Variants in GPC5 observed in about 807,000 individuals in gnomAD.
GPC5 encodes glypican 5.
A neutral mutation model predicts 53.9 loss-of-function variants in GPC5; 47 were observed. The observed-to-expected ratio is 0.87, with a 90% CI of 0.69 to 1.11. GPC5 has a LOEUF of 1.11. GPC5 is among the 50% of genes most tolerant of loss of function. GPC5 has a pLI of 0.00. For synonymous variants in GPC5, 286 were observed against 263.3 expected (o/e 1.09, Z -0.84); for missense variants, 748 against 713.1 (o/e 1.05, Z -0.56).
At chr13:92,561,806 T>C (rs1303334868) in intron 7 of GPC5, among the ~76,000 whole-genome samples, 1 of 152,074 alleles carries the variant, frequency 6.6e-6, no homozygotes, top group Admixed American at 6.6e-5. Context: ...GCTACTTTTA[T>C]ATAGTTCAGT....
chr13:92,525,154 G>A (rs905662636), intron 7 of GPC5, among the ~76,000 whole-genome samples: 2 of 151,898 alleles, frequency 1.3e-5, no homozygotes, highest in Non-Finnish European at 2.9e-5. Flanking sequence ...CCCTCCCATT[G>A]ATTTTCTTCA....
chr13:92,727,770 AT>A (rs1888685252), intron 7 of GPC5, among the ~76,000 whole-genome samples: 1 of 151,256 alleles, frequency 6.6e-6, no homozygotes, highest in Non-Finnish European at 1.5e-5. Flanking sequence ...TCTAGACTTC[AT>A]TGGAGATGGC....
intron 2 of GPC5, among the ~76,000 whole-genome samples, chr13:91,657,874 T>A (rs886852965): frequency 9.2e-5 from 14 of 152,230 alleles, no homozygotes; most frequent in African/African-American, 2.2e-4. Flanking sequence ...TTTAAAAATT[T>A]AAAAAAATAC....
intron 7 of GPC5, among the ~76,000 whole-genome samples, chr13:92,201,729 A>G (rs1276115666): frequency 6.6e-6 from 1 of 152,228 alleles, no homozygotes; most frequent in Non-Finnish European, 1.5e-5. Context: ...GAGACAAAAG[A>G]AATTAAAGAA....
chr13:91,945,042 G>T (rs1274708171), intron 6 of GPC5, among the ~76,000 whole-genome samples: 1 of 152,150 alleles, frequency 6.6e-6, no homozygotes, highest in African/African-American at 2.4e-5. Context: ...TCTTGGAGTT[G>T]AACATTCTAA....
chr13:92,568,822 A>G (rs2139038323), intron 7 of GPC5, among the ~76,000 whole-genome samples: 1 of 152,252 alleles, frequency 6.6e-6, no homozygotes, highest in South Asian at 2.1e-4. Context: ...CTTGCCCAAC[A>G]TCCAGCAGCA....
At chr13:92,677,779 C>G (rs1186367660) in intron 7 of GPC5, among the ~76,000 whole-genome samples, 7 of 93,578 alleles carry the variant, frequency 7.5e-5, no homozygotes, top group Non-Finnish European at 2.0e-4. Context: ...CGCCACCCCA[C>G]CCATGTGCTT....
chr13:92,450,329 A>G (rs922293276), intron 7 of GPC5, among the ~76,000 whole-genome samples: 11 of 152,190 alleles, frequency 7.2e-5, no homozygotes, highest in African/African-American at 2.4e-4. Flanking sequence ...ACATAATGAG[A>G]TATCTTAGGG....
intron 7 of GPC5, among the ~76,000 whole-genome samples, chr13:92,847,232 G>A (rs1355979616): frequency 6.6e-6 from 1 of 152,038 alleles, no homozygotes; most frequent in Non-Finnish European, 1.5e-5. Context: ...CTTCTGCTTT[G>A]CAAAGAGGTT....
At chr13:91,680,318 A>T (rs1455340707) in intron 2 of GPC5, among the ~76,000 whole-genome samples, 1 of 152,114 alleles carries the variant, frequency 6.6e-6, no homozygotes, top group Non-Finnish European at 1.5e-5. Context: ...GCATGGTGGC[A>T]TATGCCTGTA....
At chr13:91,421,888 T>C (rs1878660539) in intron 1 of GPC5, among the ~76,000 whole-genome samples, 1 of 152,232 alleles carries the variant, frequency 6.6e-6, no homozygotes, top group South Asian at 2.1e-4. Flanking sequence ...CTAACAAGGC[T>C]GGCATGCTAT....
chr13:91,558,470 C>G (rs2031080702), intron 2 of GPC5, among the ~76,000 whole-genome samples: 1 of 151,990 alleles, frequency 6.6e-6, no homozygotes, highest in Non-Finnish European at 1.5e-5. Flanking sequence ...TTGTCACTTA[C>G]CAGCAGGCAT....
chr13:91,852,178 T>A (rs1048804815), intron 5 of GPC5, among the ~76,000 whole-genome samples: 14 of 152,074 alleles, frequency 9.2e-5, no homozygotes, highest in Admixed American at 3.3e-4. Context: ...TTAGTTGTTT[T>A]AATTTTTTTC....
chr13:91,429,008 C>T (rs190459718), intron 1 of GPC5, among the ~76,000 whole-genome samples: 151 of 152,252 alleles, frequency 9.9e-4, no homozygotes, highest in African/African-American at 3.4e-3. Flanking sequence ...CAACCTCTGC[C>T]TCCTGGGTTC....
intron 7 of GPC5, among the ~76,000 whole-genome samples, chr13:92,346,146 C>T (rs1466433977): frequency 1.3e-5 from 2 of 152,124 alleles, no homozygotes; most frequent in Non-Finnish European, 1.5e-5. Flanking sequence ...AATGGCCACT[C>T]AGCCAAAAGC....
chr13:92,065,044 A>T (rs1326387459), intron 6 of GPC5, among the ~76,000 whole-genome samples: 1 of 152,188 alleles, frequency 6.6e-6, no homozygotes, highest in Non-Finnish European at 1.5e-5. Flanking sequence ...TAATGCAGAA[A>T]GAAGCTCTCA....
At chr13:92,221,335 A>C (rs2042446989) in intron 7 of GPC5, among the ~76,000 whole-genome samples, 1 of 152,198 alleles carries the variant, frequency 6.6e-6, no homozygotes, top group South Asian at 2.1e-4. Flanking sequence ...GTCTTATCAT[A>C]TACAGTGTAT....
At chr13:92,083,632 CTT>C (rs1238263899) in intron 6 of GPC5, among the ~76,000 whole-genome samples, 2 of 152,252 alleles carry the variant, frequency 1.3e-5, no homozygotes, top group African/African-American at 4.8e-5. Context: ...CAAATAGACT[CTT>C]GAGGTATTTT....
At chr13:91,632,402 G>A (rs1208260774) in intron 2 of GPC5, among the ~76,000 whole-genome samples, 1 of 152,108 alleles carries the variant, frequency 6.6e-6, no homozygotes, top group African/African-American at 2.4e-5. Context: ...AACAGTGATA[G>A]TTTGAGTCTA....
Sources: allele counts gnomAD v4.1 joint callset (sites outside exome capture counted in the v4.1 genomes callset), GRCh38; gene constraint gnomAD v4.1.1; transcripts MANE v1.5; gene names NCBI Gene and HGNC (gene_info 2026-07-23, HGNC 2026-07-21).